Variants in CCDC60 observed in about 807,000 individuals in gnomAD.
CCDC60 encodes the protein coiled-coil domain-containing protein 60.
CCDC60 carries 54 observed loss-of-function variants against 63.5 expected under a neutral mutation model. The observed-to-expected ratio is 0.85, with a 90% CI of 0.68 to 1.07. The LOEUF is 1.07. Among genes scored for constraint, CCDC60 ranks in the 50% least tolerant of loss-of-function variants. The pLI is 0.00. For synonymous variants in CCDC60, 206 were observed against 238.8 expected (o/e 0.86, Z 1.27); for missense variants, 651 against 684.3 (o/e 0.95, Z 0.54).
chr12:119,360,343 G>A (rs1169277274), intron 1 of CCDC60, among the ~76,000 whole-genome samples: 2 of 146,180 alleles, frequency 1.4e-5, no homozygotes, highest in African/African-American at 5.1e-5. Flanking sequence ...GCGGGGGGCT[G>A]ACGCCCCCAC....
At position 119,350,943 on chromosome 12, in the gene CCDC60, G is replaced by A. The variant is rs188251229; in HGVS notation, c.90+15677G>A. ...CTGAAGACAAGCACCACTTCCTGAC[G>A]CAGCAGCTATTCTCCATCTCTCTAC... On this transcript the variant is annotated intron_variant, in intron 1 of 13. Transcript: ENST00000327554. Among the ~76,000 whole-genome samples, 47 of 152,268 alleles carry A rather than the reference G, an allele frequency of 3.1e-4. 1 individual carries two copies. The highest frequency in any genetic ancestry group is 1.4e-4 in the African/African-American group (6 of 41,560).
chr12:119,484,572 G>A (rs897594362), intron 4 of CCDC60, among the ~76,000 whole-genome samples: 4 of 151,910 alleles, frequency 2.6e-5, no homozygotes, highest in Admixed American at 2.6e-4. Context: ...AAACTGTCTG[G>A]GCAGGTGTCA....
rs1555249296 is a variant in CCDC60, at chr12:119,481,964, C to CATATATATATAGTATATATATGTATAT, written c.449+2770_449+2796dup. On this transcript the variant is annotated intron_variant, in intron 4 of 13. Coordinates refer to ENST00000327554, the MANE Select transcript of CCDC60 (RefSeq NM_178499.5). ...TTTATATGGATGAGCAGTATTCCAT[C>CATATATATATAGTATATATATGTATAT]ATATATATATAGTATATATATGTAT... 2.2e-3 allele frequency among the ~76,000 whole-genome samples: 270 copies of CATATATATATAGTATATATATGTATAT among 122,622 alleles called. 2 individuals are homozygous for CATATATATATAGTATATATATGTATAT. The highest frequency in any genetic ancestry group is 3.7e-3 in the Non-Finnish European group (226 of 60,318). The allele number at this position is 122,622 out of a possible 152,430, so 80.4% of individuals were successfully genotyped here. A position where few individuals can be genotyped will look rare whatever the true frequency, so the allele number is the denominator to read the frequency against.
chr12:119,416,598 G>A (rs964977588), intron 1 of CCDC60, among the ~76,000 whole-genome samples: 1 of 152,170 alleles, frequency 6.6e-6, no homozygotes, highest in African/African-American at 2.4e-5. Context: ...AATCCCTGCT[G>A]ATTACAGCTT....
chr12:119,338,282 T>C (rs1400178754), intron 1 of CCDC60, among the ~76,000 whole-genome samples: 1 of 152,176 alleles, frequency 6.6e-6, no homozygotes, highest in East Asian at 1.9e-4. Context: ...AGGATTGATG[T>C]CTGGGGTAAA....
intron 2 of CCDC60, among the ~76,000 whole-genome samples, chr12:119,460,730 G>A (rs187746285): frequency 2.6e-5 from 4 of 152,190 alleles, no homozygotes; most frequent in South Asian, 2.1e-4. Flanking sequence ...ATATCCCATC[G>A]ACCAAAGGAG....
At chr12:119,521,048 T>C (rs1952513075) in intron 9 of CCDC60, among the ~76,000 whole-genome samples, 1 of 152,238 alleles carries the variant, frequency 6.6e-6, no homozygotes, top group East Asian at 1.9e-4. Flanking sequence ...AAATGCGTAC[T>C]ATACAGTATA....
At chr12:119,476,559 A>G (rs895134734) in intron 3 of CCDC60, among the ~76,000 whole-genome samples, 3 of 152,184 alleles carry the variant, frequency 2.0e-5, no homozygotes, top group African/African-American at 7.2e-5. Context: ...CGTGTGTCCC[A>G]GCATCATCTC....
At chr12:119,425,563 A>G (rs1013658301) in intron 1 of CCDC60, among the ~76,000 whole-genome samples, 6 of 152,206 alleles carry the variant, frequency 3.9e-5, no homozygotes, top group African/African-American at 1.4e-4. Flanking sequence ...AAAAGTCAAG[A>G]TTCCAGTGAA....
chr12:119,456,007 GAAAGAAAGAAAGAAAGAA>G lies in CCDC60; in HGVS notation c.171-15985_171-15968del, dbSNP rs1950731655. On this transcript the variant is annotated intron_variant, in intron 2 of 13. Transcript: ENST00000327554. This position sits in a 1 kb window ranked among gnomAD's most constrained non-coding sequence, Gnocchi z 4.6. ...AGAGAAAGAGAGAGAGAAAGAGAAA[GAAAGAAAGAAAGAAAGAA>G]AGAAAGAAAGAAAGAAAGAAAGAAA... Among the ~76,000 whole-genome samples, 202 of 113,576 alleles carry G rather than the reference GAAAGAAAGAAAGAAAGAA, an allele frequency of 1.8e-3. 3 individuals carry two copies. The highest frequency in any genetic ancestry group is 6.6e-3 in the African/African-American group (190 of 28,594). 74.5% of individuals were successfully genotyped at this position (113,576 alleles called of 152,430 possible).
At chr12:119,353,102 C>G (rs867120992) in intron 1 of CCDC60, among the ~76,000 whole-genome samples, 9 of 151,888 alleles carry the variant, frequency 5.9e-5, no homozygotes, top group Non-Finnish European at 1.2e-4. Context: ...ACACTGTTCA[C>G]CTCAGATGCA....
intron 2 of CCDC60, among the ~76,000 whole-genome samples, chr12:119,465,293 G>A (rs1950931911): frequency 6.6e-6 from 1 of 152,082 alleles, no homozygotes; most frequent in Non-Finnish European, 1.5e-5. Context: ...CAGCCTGGGT[G>A]ACAGAGTGAG....
At chr12:119,535,271 C>T (rs1258486103) in intron 13 of CCDC60, among the ~76,000 whole-genome samples, 1 of 152,136 alleles carries the variant, frequency 6.6e-6, no homozygotes, top group Non-Finnish European at 1.5e-5. Flanking sequence ...TTCCCTTTAT[C>T]ATTTTTTATT....
chr12:119,401,969 A>G (rs1956400524), intron 1 of CCDC60, among the ~76,000 whole-genome samples: 1 of 152,210 alleles, frequency 6.6e-6, no homozygotes, highest in African/African-American at 2.4e-5. Flanking sequence ...TACATTCACA[A>G]TTAACATTTA....
At chr12:119,364,235 T>G (rs1955818754) in intron 1 of CCDC60, among the ~76,000 whole-genome samples, 1 of 152,182 alleles carries the variant, frequency 6.6e-6, no homozygotes, top group Admixed American at 6.5e-5. Flanking sequence ...GTAATTTACA[T>G]ATAACCAAAT....
intron 9 of CCDC60, among the ~76,000 whole-genome samples, chr12:119,521,153 A>G (rs1339954390): frequency 6.6e-6 from 1 of 152,244 alleles, no homozygotes; most frequent in East Asian, 1.9e-4. Context: ...AATGCGTTAT[A>G]TAACAAGACT....
intron 1 of CCDC60, among the ~76,000 whole-genome samples, chr12:119,404,267 T>TTC (rs1213694993): frequency 1.3e-5 from 2 of 152,196 alleles, no homozygotes; most frequent in Admixed American, 1.3e-4. Flanking sequence ...TCCAGCCTGG[T>TTC]TGACAGAGTG....
At chr12:119,403,658 G>A (rs1956434789) in intron 1 of CCDC60, among the ~76,000 whole-genome samples, 1 of 151,884 alleles carries the variant, frequency 6.6e-6, no homozygotes, top group Admixed American at 6.6e-5. Flanking sequence ...TCACGATCAT[G>A]ACTGGCCCTT....
intron 4 of CCDC60, chr12:119,479,657 C>T (rs1389986978): frequency 6.5e-6 from 1 of 153,610 alleles, no homozygotes; most frequent in African/African-American, 2.4e-5. Context: ...AACACTCTTG[C>T]TTTCTAAAGT....
Sources: allele counts gnomAD v4.1 joint callset (sites outside exome capture counted in the v4.1 genomes callset), GRCh38; gene constraint gnomAD v4.1.1; non-coding constraint Gnocchi (gnomAD v3.1); transcripts MANE v1.5; gene names NCBI Gene and HGNC (gene_info 2026-07-23, HGNC 2026-07-21).